PLXNA4: variants seen among roughly 807,000 people sequenced by gnomAD.
PLXNA4 encodes the protein plexin A4.
PLXNA4 carries 44 observed loss-of-function variants against 191.8 expected under a neutral mutation model. That is an observed-to-expected ratio of 0.23 (90% CI 0.18 to 0.29). The LOEUF is 0.29. Ranked by LOEUF, PLXNA4 falls within the 10% of genes least tolerant of loss-of-function variation. PLXNA4 has a pLI of 1.00. For missense variants in PLXNA4, 1,800 were observed against 2,488.8 expected (o/e 0.72, Z 5.89); for synonymous variants, 1,082 against 1,009.5 (o/e 1.07, Z -1.36).
chr7:132,369,990 C>A (rs202105001), intron 3 of PLXNA4, among the ~76,000 whole-genome samples: 2 of 150,932 alleles, frequency 1.3e-5, no homozygotes, highest in Admixed American at 6.6e-5. Context: ...ATGGCATGAA[C>A]CTGGGAGGCA....
rs1794775585 is a variant in PLXNA4 at position 132,126,625 on chromosome 7, T to C, written c.*3854A>G. The C allele has an allele frequency of 6.6e-6, 1 of 151,422 alleles. No individual in the cohort carries two copies. The highest frequency in any genetic ancestry group is 6.6e-5 in the Admixed American group (1 of 15,246). 9.4% of individuals were successfully genotyped at this position (151,422 alleles called of 1,614,324 possible). ...GGGACCAGGTCAGAGACTTTTCCTG[T>C]GGGTAACTCCTGCTTCTTCCTGGGA... is the stretch of plus-strand genomic sequence containing the variant. On this transcript the variant is annotated 3_prime_UTR_variant, in exon 32 of 32. Coordinates refer to ENST00000321063, the MANE Select transcript of PLXNA4 (RefSeq NM_020911.2).
At chr7:132,343,125 A>G (rs1803104564) in intron 3 of PLXNA4, among the ~76,000 whole-genome samples, 1 of 151,806 alleles carries the variant, frequency 6.6e-6, no homozygotes, top group Admixed American at 6.6e-5. Context: ...TTTTAAGGTT[A>G]GGAAAACCCA....
At position 132,508,208 on chromosome 7, in the gene PLXNA4, A is replaced by C. The variant is rs776008971; in HGVS notation, c.486T>G (p.Gly162=). 69 of 1,614,010 alleles carry C rather than the reference A, an allele frequency of 4.3e-5. No individual in the cohort carries two copies. Among genetic ancestry groups the C allele is most frequent in the Non-Finnish European group, 5.7e-5 (67 of 1,180,036 alleles). Residue 162 remains glycine, a synonymous_variant, in exon 2 of 32, where the codon GGT becomes GGG. Coordinates refer to ENST00000321063, the MANE Select transcript of PLXNA4 (RefSeq NM_020911.2). This position sits in a 1 kb window ranked among gnomAD's most constrained non-coding sequence, Gnocchi z 4.4. ...PYHKKEHYLS[G]VNESGSVFGV... is the part of the protein sequence containing the mutation. ...CAAAGACTGAGCCGCTCTCGTTGAC[A>C]CCTGACAGATAGTGCTCCTTCTTAT... is the stretch of plus-strand genomic sequence containing the variant.
At chr7:132,611,342 G>A (rs1259549722) in intron 2 of PLXNA4, among the ~76,000 whole-genome samples, 1 of 152,166 alleles carries the variant, frequency 6.6e-6, no homozygotes, top group Non-Finnish European at 1.5e-5. Flanking sequence ...CCCCCTCAAA[G>A]TAACAGCTCT....
chr7:132,530,408 C>T (rs894487186), intron 1 of PLXNA4, among the ~76,000 whole-genome samples: 1 of 152,202 alleles, frequency 6.6e-6, no homozygotes, highest in Non-Finnish European at 1.5e-5. Context: ...TACAACTCAA[C>T]AACAAACAGA....
chr7:132,400,548 G>A (rs1285643917), intron 3 of PLXNA4, among the ~76,000 whole-genome samples: 3 of 152,154 alleles, frequency 2.0e-5, no homozygotes, highest in African/African-American at 7.2e-5. Context: ...CCTCAGACAC[G>A]CTCACCCTTC....
intron 3 of PLXNA4, among the ~76,000 whole-genome samples, chr7:132,488,489 G>C (rs1216670307): frequency 2.0e-5 from 3 of 152,144 alleles, no homozygotes; most frequent in African/African-American, 4.8e-5. Flanking sequence ...AATATTTCCT[G>C]GGAAAGGACT....
chr7:132,127,713 A>T lies in PLXNA4; in HGVS notation c.*2766T>A, dbSNP rs1794808406. ...AGCGGCAGAAACAACCCACCCACCAATTAAAGTCAAACCAGCCCCAAACCC... is the reference window on the plus strand; with the variant it reads ...AGCGGCAGAAACAACCCACCCACCATTTAAAGTCAAACCAGCCCCAAACCC... On this transcript the variant is annotated 3_prime_UTR_variant, in exon 32 of 32. Coordinates refer to ENST00000321063, the MANE Select transcript of PLXNA4 (RefSeq NM_020911.2). 1 of 152,124 alleles carries T rather than the reference A, an allele frequency of 6.6e-6. No individual in the cohort carries two copies. The highest frequency in any genetic ancestry group is 2.1e-4 in the South Asian group (1 of 4,820). 9.4% of individuals were successfully genotyped at this position (152,124 alleles called of 1,614,324 possible). A position where few individuals can be genotyped will look rare whatever the true frequency, so the allele number is the denominator to read the frequency against.
intron 3 of PLXNA4, among the ~76,000 whole-genome samples, chr7:132,376,697 G>A (rs951373441): frequency 1.5e-4 from 23 of 152,134 alleles, no homozygotes; most frequent in Non-Finnish European, 2.9e-5. Context: ...TGGAGGCAGC[G>A]CCCACCACCT....
intron 3 of PLXNA4, among the ~76,000 whole-genome samples, chr7:132,359,470 GTC>G (rs1390281556): frequency 6.6e-6 from 1 of 152,070 alleles, no homozygotes; most frequent in African/African-American, 2.4e-5. Flanking sequence ...GCCTGCCACG[GTC>G]TCCCAAAGTG....
At chr7:132,287,283 G>A (rs192910318) in intron 4 of PLXNA4, among the ~76,000 whole-genome samples, 60 of 152,242 alleles carry the variant, frequency 3.9e-4, no homozygotes, top group African/African-American at 1.3e-3. Context: ...CAATCTGCCC[G>A]CCTTGGTCTC....
intron 2 of PLXNA4, among the ~76,000 whole-genome samples, chr7:132,595,194 C>G (rs1258415042): frequency 6.6e-6 from 1 of 152,258 alleles, no homozygotes; most frequent in East Asian, 1.9e-4. Flanking sequence ...CCCACAGAGA[C>G]CTCCAGCACC....
chr7:132,210,796 C>A, intron 10 of PLXNA4, 147 bp downstream of exon 10: 1 of 885,552 alleles, frequency 1.1e-6, no homozygotes, highest in South Asian at 1.6e-5. Context: ...CTGGGATGTG[C>A]CAGCAGGCAT....
chr7:132,255,936 T>G (rs1186164464), intron 4 of PLXNA4, among the ~76,000 whole-genome samples: 3 of 152,242 alleles, frequency 2.0e-5, no homozygotes, highest in African/African-American at 7.2e-5. Flanking sequence ...TCTGATGAAA[T>G]GAGGTCAAGG....
At chr7:132,287,876 G>C (rs570367265) in intron 4 of PLXNA4, among the ~76,000 whole-genome samples, 117 of 152,274 alleles carry the variant, frequency 7.7e-4, no homozygotes, top group Middle Eastern at 3.4e-3. Context: ...TAAACCAAGG[G>C]ACCTCCTTCA....
chr7:132,495,920 A>G (rs1797994371), intron 2 of PLXNA4, among the ~76,000 whole-genome samples: 1 of 152,244 alleles, frequency 6.6e-6, no homozygotes, highest in Non-Finnish European at 1.5e-5. Flanking sequence ...TTTGCTTAAG[A>G]GCATTTATGA....
intron 30 of PLXNA4, among the ~76,000 whole-genome samples, chr7:132,135,166 G>A (rs1795076105): frequency 1.3e-5 from 2 of 152,180 alleles, no homozygotes; most frequent in African/African-American, 4.8e-5. Flanking sequence ...TGTTTGTCAA[G>A]TAAAGGGCTA....
chr7:132,262,138 C>T (rs909748531), intron 4 of PLXNA4, among the ~76,000 whole-genome samples: 3 of 152,186 alleles, frequency 2.0e-5, no homozygotes, highest in African/African-American at 7.2e-5. Context: ...CCCAGCCCTT[C>T]CAGACCAGGC....
Position 132,508,555 on chromosome 7 carries a change from G to C in PLXNA4, c.139C>G (p.Pro47Ala), listed in dbSNP as rs145305830. The C allele has an allele frequency of 2.2e-5, 35 of 1,614,038 alleles. No homozygotes were observed. The highest frequency in any genetic ancestry group is 2.9e-5 in the Non-Finnish European group (34 of 1,180,042). The change falls in exon 2 of 32, where the codon CCC becomes GCC. Residue 47 changes from proline to alanine, a missense_variant. Physicochemically the swap from Pro to Ala is conservative, Grantham distance 27. Transcript: ENST00000321063. This position sits in a 1 kb window ranked among gnomAD's most constrained non-coding sequence, Gnocchi z 4.4. ...QRSFVTFRGEPAEGFNHLVVD... is the reference protein window; with the variant it reads ...QRSFVTFRGEAAEGFNHLVVD... ...ACCAGGTGATTGAAACCCTCGGCGG[G>C]CTCTCCTCGGAATGTGACAAATGAC...
Sources: gnomAD v4.1 joint callset for allele counts (sites outside exome capture counted in the v4.1 genomes callset) on GRCh38, gnomAD v4.1.1 for gene constraint, Gnocchi (gnomAD v3.1) non-coding constraint, MANE v1.5 for transcripts, NCBI Gene and HGNC (gene_info 2026-07-23, HGNC 2026-07-21) for gene names.